PLCH1: variants seen among roughly 807,000 people sequenced by gnomAD.
PLCH1 encodes the protein phospholipase C eta 1.
PLCH1 carries 60 observed loss-of-function variants against 126.7 expected under a neutral mutation model. The ratio of observed to expected loss-of-function variants is 0.47; its 90% CI spans 0.38 to 0.59. The LOEUF (loss-of-function observed/expected upper bound fraction) is 0.59, where lower values mean the gene tolerates loss of function less well. PLCH1 is among the 20% of genes least tolerant of loss of function. The pLI is 0.00. For synonymous variants in PLCH1, 719 were observed against 734.9 expected, an observed-to-expected ratio of 0.98 and a Z score of 0.35; for missense variants, 1,723 against 2,040.0, an observed-to-expected ratio of 0.84 and a Z score of 2.99.
chr3:155,527,274 C>T (rs147206285), intron 10 of PLCH1, among the ~76,000 whole-genome samples: 1,556 of 152,328 alleles, frequency 0.01, 15 homozygotes, highest in Non-Finnish European at 0.014. Flanking sequence ...TGATAAATTT[C>T]TAAATATCAT....
rs1714043251 is a variant in PLCH1 at position 155,481,500 on chromosome 3, C to T, written c.4526G>A (p.Ser1509Asn). ...GTCTCTAATGCCAGTTGTAACAAAA[C>T]TCTTACTAATACACTGGTACTTGCT... Reference protein sequence around the residue: ...FESKYQCISKSFVTTGIRDKK... With the variant: ...FESKYQCISKNFVTTGIRDKK... Residue 1509 changes from serine (S) to asparagine (N), a missense_variant, in exon 23 of 23, where the codon AGT becomes AAT. Transcript: ENST00000460012. The surrounding 1 kb of genome is among the most constrained non-coding windows in gnomAD (Gnocchi z 4.2). 1.2e-6 allele frequency: 2 copies of T among 1,614,066 alleles called. No homozygotes were observed. Among genetic ancestry groups the T allele is most frequent in the Middle Eastern group, 1.6e-4 (1 of 6,084 alleles).
intron 9 of PLCH1, 133 bp from the exon 10 acceptor site, chr3:155,550,091 G>A (rs1725907383): frequency 1.8e-6 from 1 of 566,078 alleles, no homozygotes; most frequent in African/African-American, 1.9e-5. Context: ...TGGTTAAAAT[G>A]CTTCTAAAAT....
At chr3:155,633,790 C>A (rs1006500294) in intron 2 of PLCH1, among the ~76,000 whole-genome samples, 3 of 152,120 alleles carry the variant, frequency 2.0e-5, no homozygotes, top group African/African-American at 7.2e-5. Flanking sequence ...TATGGTGGTG[C>A]ATGCCTGTAA....
At chr3:155,687,720 C>T (rs986562359) in intron 2 of PLCH1, among the ~76,000 whole-genome samples, 1 of 152,094 alleles carries the variant, frequency 6.6e-6, no homozygotes, top group Non-Finnish European at 1.5e-5. Flanking sequence ...CATACTGAGA[C>T]TAAGTATTTG....
chr3:155,518,488 T>G (rs770586398), intron 11 of PLCH1, among the ~76,000 whole-genome samples: 1 of 152,190 alleles, frequency 6.6e-6, no homozygotes, highest in Non-Finnish European at 1.5e-5. Context: ...CAGCCATCCC[T>G]CTTATATTGT....
intron 18 of PLCH1, among the ~76,000 whole-genome samples, chr3:155,491,413 G>A (rs1252375224): frequency 6.6e-6 from 1 of 152,018 alleles, no homozygotes; most frequent in East Asian, 1.9e-4. Flanking sequence ...ATAGGATTGT[G>A]CACCACACCT....
At chr3:155,681,074 G>T (rs1351369727) in intron 2 of PLCH1, among the ~76,000 whole-genome samples, 3 of 151,980 alleles carry the variant, frequency 2.0e-5, no homozygotes, top group African/African-American at 7.3e-5. Context: ...TGAAAAAAAT[G>T]TTATCAGAGG....
At chr3:155,726,306 C>G (rs910775024) in intron 1 of PLCH1, among the ~76,000 whole-genome samples, 1 of 152,088 alleles carries the variant, frequency 6.6e-6, no homozygotes, top group Non-Finnish European at 1.5e-5. Context: ...ATCTGAAAGG[C>G]CTTTATTGTG....
intron 10 of PLCH1, among the ~76,000 whole-genome samples, chr3:155,526,175 T>C (rs1377003956): frequency 6.6e-6 from 1 of 152,084 alleles, no homozygotes; most frequent in Non-Finnish European, 1.5e-5. Context: ...CTCTAAATAA[T>C]AGTACCAATG....
Position 155,482,645 on chromosome 3 carries a change from A to T in PLCH1, c.3381T>A (p.Ile1127=). Reference sequence around the variant, plus strand: ...TACCCCTATTACCTTCCAGGTTCTTAATTTCTAGGTTGCTATGAGAAAGGA... The same window carrying T: ...TACCCCTATTACCTTCCAGGTTCTTTATTTCTAGGTTGCTATGAGAAAGGA... ...GSVLSHSNLE[I]KNLEGNRGKG... Residue 1127 remains isoleucine, a synonymous_variant, in exon 23 of 23, where the codon ATT becomes ATA. Transcript: ENST00000460012. 6.2e-7 allele frequency: 1 copy of T among 1,614,144 alleles called. No homozygotes were observed. The highest frequency in any genetic ancestry group is 8.5e-7 in the Non-Finnish European group (1 of 1,180,032).
intron 5 of PLCH1, among the ~76,000 whole-genome samples, chr3:155,585,147 C>T (rs755799585): frequency 1.4e-4 from 21 of 152,116 alleles, no homozygotes; most frequent in Non-Finnish European, 2.9e-4. Flanking sequence ...CAATGCAAAC[C>T]ATCTCCAACC....
chr3:155,652,002 C>T (rs1381677768), intron 2 of PLCH1, among the ~76,000 whole-genome samples: 2 of 152,188 alleles, frequency 1.3e-5, no homozygotes, highest in African/African-American at 4.8e-5. Flanking sequence ...GGACCCATGC[C>T]GTTAGCTATG....
At chr3:155,616,071 T>C (rs1296617559) in intron 2 of PLCH1, among the ~76,000 whole-genome samples, 1 of 152,150 alleles carries the variant, frequency 6.6e-6, no homozygotes, top group East Asian at 1.9e-4. Flanking sequence ...CTAGAGACAT[T>C]TGGAGTTAGC....
intron 2 of PLCH1, among the ~76,000 whole-genome samples, chr3:155,615,963 C>T (rs1363119893): frequency 6.6e-6 from 1 of 152,152 alleles, no homozygotes; most frequent in African/African-American, 2.4e-5. Context: ...TAAGATACTA[C>T]TGTCCTTACT....
chr3:155,523,672 T>G (rs964992676), intron 11 of PLCH1, among the ~76,000 whole-genome samples: 1 of 152,230 alleles, frequency 6.6e-6, no homozygotes, highest in Non-Finnish European at 1.5e-5. Context: ...GTTGAATGAA[T>G]TAATCACTAA....
chr3:155,506,212 G>A (rs1718661307), intron 12 of PLCH1, among the ~76,000 whole-genome samples: 1 of 152,046 alleles, frequency 6.6e-6, no homozygotes, highest in African/African-American at 2.4e-5. Context: ...AAGGAAAGCA[G>A]AAATACAGAA....
At chr3:155,674,602 G>A (rs917927655) in intron 2 of PLCH1, among the ~76,000 whole-genome samples, 2 of 151,924 alleles carry the variant, frequency 1.3e-5, no homozygotes, top group African/African-American at 4.8e-5. Flanking sequence ...TCATTCAGCA[G>A]AATAAAATCA....
chr3:155,515,870 G>C (rs918306140), intron 11 of PLCH1, among the ~76,000 whole-genome samples: 1 of 152,136 alleles, frequency 6.6e-6, no homozygotes, highest in African/African-American at 2.4e-5. Flanking sequence ...AAAGTTTAAG[G>C]CTGTTCTTCC....
intron 8 of PLCH1, among the ~76,000 whole-genome samples, chr3:155,563,408 T>C (rs1028136666): frequency 6.6e-6 from 1 of 152,202 alleles, no homozygotes; most frequent in African/African-American, 2.4e-5. Context: ...TTCCCTATAG[T>C]ATGGAGTGGC....
Sources: gnomAD v4.1 joint callset for allele counts (sites outside exome capture counted in the v4.1 genomes callset) on GRCh38, gnomAD v4.1.1 for gene constraint, Gnocchi (gnomAD v3.1) non-coding constraint, MANE v1.5 for transcripts, NCBI Gene and HGNC (gene_info 2026-07-23, HGNC 2026-07-21) for gene names.